BACH2: variants seen among roughly 807,000 people sequenced by gnomAD.
The protein encoded by BACH2 is transcription regulator protein BACH2.
In BACH2, 5 loss-of-function variants were observed where a neutral mutation model predicts 61.8. The observed-to-expected ratio is 0.08, with a 90% CI of 0.04 to 0.17. The LOEUF is 0.17. Ranked by LOEUF, BACH2 falls within the 10% of genes least tolerant of loss-of-function variation. BACH2 has a pLI of 1.00. For synonymous variants in BACH2, 446 were observed against 440.1 expected, an observed-to-expected ratio of 1.01 and a Z score of -0.17; for missense variants, 824 against 1,091.1, an observed-to-expected ratio of 0.76 and a Z score of 3.45.
intron 3 of BACH2, among the ~76,000 whole-genome samples, chr6:90,238,652 G>A (rs2127863598): frequency 6.6e-6 from 1 of 152,316 alleles, no homozygotes; most frequent in East Asian, 1.9e-4. Context: ...AACCAGCTTG[G>A]TCTTGCTTGA....
At chr6:89,952,009 C>G in intron 6 of BACH2, 147 bp from the exon 7 acceptor site, 1 of 904,388 alleles carries the variant, frequency 1.1e-6, no homozygotes, top group Non-Finnish European at 1.7e-6. Context: ...ACTGGGTCAG[C>G]AATGATTCTG....
At chr6:90,107,330 C>A (rs1782965611) in intron 4 of BACH2, among the ~76,000 whole-genome samples, 1 of 151,936 alleles carries the variant, frequency 6.6e-6, no homozygotes, top group Non-Finnish European at 1.5e-5. Flanking sequence ...TGAGATCGTG[C>A]CACTACATTC....
chr6:90,189,404 C>T (rs931354087), intron 4 of BACH2, among the ~76,000 whole-genome samples: 6 of 151,456 alleles, frequency 4.0e-5, no homozygotes, highest in Admixed American at 6.6e-5. Flanking sequence ...GTCAGGAGAT[C>T]GAGACCATCC....
intron 5 of BACH2, among the ~76,000 whole-genome samples, chr6:90,073,648 C>T (rs1189784057): frequency 6.6e-6 from 1 of 152,158 alleles, no homozygotes; most frequent in Non-Finnish European, 1.5e-5. Context: ...AAGGTGCTGC[C>T]AGACACCCTG....
intron 5 of BACH2, among the ~76,000 whole-genome samples, chr6:90,087,727 G>GT (rs11403190): frequency 0.28 from 41,968 of 149,288 alleles, 6,548 homozygotes; most frequent in East Asian, 0.68. Flanking sequence ...CCATGTGTGT[G>GT]TTTTTTTTTT....
intron 1 of BACH2, among the ~76,000 whole-genome samples, chr6:90,295,652 A>G (rs1772324610): frequency 1.6e-5 from 2 of 124,950 alleles, no homozygotes; most frequent in East Asian, 2.4e-4. Flanking sequence ...ACTGGAGTGT[A>G]GGGTGTGTGT....
chr6:90,077,064 T>C (rs201863621), intron 5 of BACH2, among the ~76,000 whole-genome samples: 2 of 152,156 alleles, frequency 1.3e-5, no homozygotes, highest in East Asian at 3.9e-4. Context: ...AAAGGAATAA[T>C]GAGCCCCGCC....
chr6:90,164,899 T>G (rs1336439640), intron 4 of BACH2, among the ~76,000 whole-genome samples: 1 of 152,180 alleles, frequency 6.6e-6, no homozygotes, highest in Admixed American at 6.5e-5. Context: ...AATTAGGTAT[T>G]GATGGGATGT....
At chr6:90,235,268 G>A (rs1770222336) in intron 3 of BACH2, among the ~76,000 whole-genome samples, 1 of 152,046 alleles carries the variant, frequency 6.6e-6, no homozygotes, top group African/African-American at 2.4e-5. Context: ...CATCTGCATG[G>A]GTTCAAATTC....
At chr6:89,958,834 C>T (rs1012614841) in intron 6 of BACH2, among the ~76,000 whole-genome samples, 18 of 152,106 alleles carry the variant, frequency 1.2e-4, no homozygotes, top group African/African-American at 3.1e-4. Context: ...TTTCCTCAAA[C>T]GCCATTTCCT....
intron 4 of BACH2, among the ~76,000 whole-genome samples, chr6:90,180,098 T>C (rs1487399802): frequency 6.6e-6 from 1 of 152,198 alleles, no homozygotes; most frequent in Non-Finnish European, 1.5e-5. Context: ...CTAAAAGTCT[T>C]AGTGCATTTT....
chr6:90,279,071 A>G (rs1340931274), intron 1 of BACH2, among the ~76,000 whole-genome samples: 5 of 152,226 alleles, frequency 3.3e-5, no homozygotes, highest in African/African-American at 1.2e-4. Context: ...CACATTTCAT[A>G]TGCTCAAATG....
chr6:90,159,564 T>A (rs1034137237), intron 4 of BACH2, among the ~76,000 whole-genome samples: 3 of 152,188 alleles, frequency 2.0e-5, no homozygotes, highest in Admixed American at 6.5e-5. Flanking sequence ...GAAGTCCACA[T>A]CTCTTCCAGA....
At chr6:90,116,546 C>T (rs909506342) in intron 4 of BACH2, among the ~76,000 whole-genome samples, 1 of 152,002 alleles carries the variant, frequency 6.6e-6, no homozygotes. Flanking sequence ...ATAATATGTA[C>T]AACAAATCCC....
At chr6:90,224,978 T>C (rs1166748572) in intron 3 of BACH2, among the ~76,000 whole-genome samples, 2 of 152,322 alleles carry the variant, frequency 1.3e-5, no homozygotes, top group Non-Finnish European at 2.9e-5. Context: ...ACATTATTCA[T>C]ATCTCAATGT....
At chr6:90,104,712 G>A (rs556886310) in intron 4 of BACH2, among the ~76,000 whole-genome samples, 1 of 152,340 alleles carries the variant, frequency 6.6e-6, no homozygotes, top group African/African-American at 2.4e-5. Flanking sequence ...ACCACCTGAA[G>A]GGTGAGAGAA....
At chr6:90,142,985 C>T (rs2127827423) in intron 4 of BACH2, among the ~76,000 whole-genome samples, 1 of 152,318 alleles carries the variant, frequency 6.6e-6, no homozygotes, top group South Asian at 2.1e-4. Flanking sequence ...ATTTGTCACT[C>T]TTCTGGGTGA....
chr6:89,933,203 TG>T (rs1252005326), intron 8 of BACH2, among the ~76,000 whole-genome samples: 4 of 152,150 alleles, frequency 2.6e-5, no homozygotes, highest in Admixed American at 2.6e-4. Context: ...TCCTGGAATT[TG>T]GGGTTTGTAG....
chr6:90,101,863 C>T (rs577000071), intron 4 of BACH2, among the ~76,000 whole-genome samples: 1 of 152,170 alleles, frequency 6.6e-6, no homozygotes, highest in African/African-American at 2.4e-5. Context: ...GTGTTCAAGT[C>T]TTGCACTTCT....
Sources: gnomAD v4.1 joint callset for allele counts (sites outside exome capture counted in the v4.1 genomes callset) on GRCh38, gnomAD v4.1.1 for gene constraint, MANE v1.5 for transcripts, NCBI Gene and HGNC (gene_info 2026-07-23, HGNC 2026-07-21) for gene names.